The following LRTM1 variants were observed in gnomAD, a reference collection of about 807,000 sequenced individuals.
The protein encoded by LRTM1 is leucine-rich repeat and transmembrane domain-containing protein 1.
LRTM1 carries 38 observed loss-of-function variants against 32.4 expected under a neutral mutation model. The ratio of observed to expected loss-of-function variants is 1.17; its 90% confidence interval spans 0.91 to 1.54. LRTM1 has a LOEUF of 1.54. LRTM1 is among the 40% of genes most tolerant of loss of function. The probability of loss-of-function intolerance (pLI) is 0.00; values close to 1 mark genes in which losing one functional copy is unlikely to be tolerated. For synonymous variants in LRTM1, 186 were observed against 169.9 expected (o/e 1.09, Z -0.74); for missense variants, 466 against 415.4 (o/e 1.12, Z -1.06).
intron 2 of LRTM1, 28 bp downstream of exon 2, chr3:54,924,591 T>C (rs1366748267): frequency 1.9e-6 from 3 of 1,541,244 alleles, no homozygotes; most frequent in South Asian, 1.1e-5. Flanking sequence ...AACACACAGA[T>C]GGGGGGTTCC....
At chr3:54,960,232 G>A (rs975710267) in intron 1 of LRTM1, among the ~76,000 whole-genome samples, 3 of 152,056 alleles carry the variant, frequency 2.0e-5, no homozygotes, top group Admixed American at 6.5e-5. Context: ...CTTCTGCTGC[G>A]GCCTTGTCAA....
rs181592070 is a variant in LRTM1, at chr3:54,953,922, A to G, written c.-222+13006T>C. 2.0e-3 allele frequency among the ~76,000 whole-genome samples: 303 copies of G among 152,224 alleles called. 1 individual carries two copies. Among genetic ancestry groups the G allele is most frequent in the African/African-American group, 7.0e-3 (289 of 41,534 alleles). On this transcript the variant is annotated intron_variant, in intron 1 of 2. Transcript: ENST00000493075. ...GTCACCCCGTTTTGCTAAGTGCTCC[A>G]TTGTTTATGTTCTTGTGTCATGAAT...
chr3:54,942,619 T>A (rs1182644076), intron 1 of LRTM1, among the ~76,000 whole-genome samples: 1 of 152,024 alleles, frequency 6.6e-6, no homozygotes, highest in Non-Finnish European at 1.5e-5. Context: ...CCAGGCATAC[T>A]GGTTCACGCC....
At chr3:54,921,356 T>C (rs1700845256) in intron 2 of LRTM1, among the ~76,000 whole-genome samples, 2 of 152,148 alleles carry the variant, frequency 1.3e-5, no homozygotes, top group African/African-American at 4.8e-5. Context: ...GAGGACTCAG[T>C]TGGATAAAAT....
At chr3:54,945,232 G>T (rs937385758) in intron 1 of LRTM1, among the ~76,000 whole-genome samples, 1 of 152,200 alleles carries the variant, frequency 6.6e-6, no homozygotes, top group African/African-American at 2.4e-5. Context: ...GTTGGTGTCT[G>T]TGGCATGTGC....
chr3:54,931,464 C>G (rs923346690), upstream of LRTM1, among the ~76,000 whole-genome samples: 2 of 152,170 alleles, frequency 1.3e-5, no homozygotes, highest in African/African-American at 4.8e-5. Flanking sequence ...TTCTCCCTCC[C>G]TCCCGTGGTG....
Position 54,918,630 on chromosome 3 carries a change from G to A in LRTM1, c.867C>T (p.Val289=), listed in dbSNP as rs1700736740. Residue 289 remains valine (V), a synonymous_variant, in exon 3 of 3, where the codon GTC becomes GTT. Coordinates refer to ENST00000273286, the MANE Select transcript of LRTM1 (RefSeq NM_020678.4). Reference sequence around the variant, plus strand: ...TCCCACACACAACGCCAGTGATGATGACAGTGGCAATGGCATGACGCAGGT... The same window carrying A: ...TCCCACACACAACGCCAGTGATGATAACAGTGGCAATGGCATGACGCAGGT... ...PANLRHAIAT[V]IITGVVCGIV... 1 of 1,614,068 alleles carries A rather than the reference G, an allele frequency of 6.2e-7. No homozygotes were observed. Among genetic ancestry groups the A allele is most frequent in the Non-Finnish European group, 8.5e-7 (1 of 1,180,048 alleles).
chr3:54,954,050 T>C (rs1701822786), intron 1 of LRTM1, among the ~76,000 whole-genome samples: 1 of 152,224 alleles, frequency 6.6e-6, no homozygotes, highest in Non-Finnish European at 1.5e-5. Flanking sequence ...ATTATCCTAG[T>C]AGGCAAGAAC....
At position 54,957,817 on chromosome 3, in the gene LRTM1, A is replaced by G. The variant is rs191805805; in HGVS notation, c.-222+9111T>C. Among the ~76,000 whole-genome samples, 233 of 152,280 alleles carry G rather than the reference A, an allele frequency of 1.5e-3. 1 individual carries two copies. Among genetic ancestry groups the G allele is most frequent in the Non-Finnish European group, 2.7e-3 (186 of 68,012 alleles). The stretch of plus-strand genomic sequence containing the variant: ...ACGCATGACCCCTACACAGTCCCCC[A>G]GACACAAACCATGCATCCCAGCAAC... On this transcript the variant is annotated intron_variant, in intron 1 of 2. Coordinates refer to the LRTM1 transcript ENST00000493075.
chr3:54,937,020 A>G lies in LRTM1; in HGVS notation c.-221-11805T>C, dbSNP rs544386465. Among the ~76,000 whole-genome samples, 15 of 152,086 alleles carry G rather than the reference A, an allele frequency of 9.9e-5. No individual in the cohort carries two copies. The South Asian group carries it at 1.3e-3, about 13-fold the overall frequency. The stretch of plus-strand genomic sequence containing the variant: ...CAGCTGAGTGCCGCTGTGTGTGAGG[A>G]GGTGCTAAGGTGGTTAGATTTGCTG... On this transcript the variant is annotated intron_variant, in intron 1 of 2. Transcript: ENST00000493075.
intron 2 of LRTM1, among the ~76,000 whole-genome samples, chr3:54,921,161 G>T (rs1023305500): frequency 2.6e-5 from 4 of 152,104 alleles, no homozygotes; most frequent in Non-Finnish European, 2.9e-5. Context: ...AGCACTCATT[G>T]TTCTCTATCT....
At chr3:54,938,496 G>C (rs1294404973) in intron 1 of LRTM1, among the ~76,000 whole-genome samples, 1 of 152,084 alleles carries the variant, frequency 6.6e-6, no homozygotes, top group African/African-American at 2.4e-5. Context: ...ATAGATCCTT[G>C]CCATTTGCAA....
In LRTM1 at chr3:54,918,817, T is replaced by C; in HGVS notation, c.680A>G (p.Glu227Gly). The C allele has an allele frequency of 6.2e-7, 1 of 1,610,906 alleles. No individual in the cohort carries two copies. Among genetic ancestry groups the C allele is most frequent in the Non-Finnish European group, 8.5e-7 (1 of 1,177,984 alleles). Residue 227 changes from glutamate to glycine, a missense_variant, in exon 3 of 3, where the codon GAG (glutamate) becomes GGG (glycine). By Grantham distance (98) the Glu-to-Gly change is moderately conservative. Coordinates refer to ENST00000273286, the MANE Select transcript of LRTM1 (RefSeq NM_020678.4). ...KGKDLLRIPH[E>G]LYQPCPLPAP... Reference sequence around the variant, plus strand: ...AGGAAGAGGGCAGGGCTGGTACAGCTCATGAGGGATCCTAAGGAGGTCCTT... The same window carrying C: ...AGGAAGAGGGCAGGGCTGGTACAGCCCATGAGGGATCCTAAGGAGGTCCTT...
intron 1 of LRTM1, among the ~76,000 whole-genome samples, chr3:54,936,252 A>G (rs1414361372): frequency 6.6e-6 from 1 of 152,154 alleles, no homozygotes; most frequent in African/African-American, 2.4e-5. Context: ...AGGTACTTAG[A>G]TTGTATCTGC....
upstream of LRTM1, among the ~76,000 whole-genome samples, chr3:54,931,892 G>T (rs1247258512): frequency 6.6e-6 from 1 of 152,096 alleles, no homozygotes; most frequent in Non-Finnish European, 1.5e-5. Context: ...GGTATTTAAA[G>T]AATAAAGGCC....
At chr3:54,934,569 C>T (rs1311927831) in intron 1 of LRTM1, among the ~76,000 whole-genome samples, 1 of 152,154 alleles carries the variant, frequency 6.6e-6, no homozygotes, top group Non-Finnish European at 1.5e-5. Flanking sequence ...TGTATGCCTC[C>T]AGCCTCCCTA....
At chr3:54,959,346 G>C (rs979927712) in intron 1 of LRTM1, among the ~76,000 whole-genome samples, 4 of 152,098 alleles carry the variant, frequency 2.6e-5, no homozygotes, top group Admixed American at 6.5e-5. Flanking sequence ...GGTGTGCTTG[G>C]GCAAGTTCTT....
intron 1 of LRTM1, among the ~76,000 whole-genome samples, chr3:54,952,619 A>T (rs1322621487): frequency 1.3e-5 from 2 of 152,170 alleles, no homozygotes; most frequent in African/African-American, 4.8e-5. Flanking sequence ...CCTTTGGCTC[A>T]TTCATTATAG....
intron 1 of LRTM1, among the ~76,000 whole-genome samples, chr3:54,943,219 G>A (rs1701522354): frequency 1.4e-5 from 2 of 140,790 alleles, no homozygotes; most frequent in South Asian, 4.6e-4. Context: ...AAAAAAAAAT[G>A]AGAATAATAA....
Sources: gnomAD v4.1 joint callset for allele counts (sites outside exome capture counted in the v4.1 genomes callset) on GRCh38, gnomAD v4.1.1 for gene constraint, MANE v1.5 for transcripts, NCBI Gene and HGNC (gene_info 2026-07-23, HGNC 2026-07-21) for gene names.